Variants in TP53BP2 observed in about 807,000 individuals in gnomAD.
TP53BP2 encodes the protein tumor protein p53 binding protein 2.
A neutral mutation model predicts 126.2 loss-of-function variants in TP53BP2; 62 were observed. That is an observed-to-expected ratio of 0.49 (90% CI 0.40 to 0.61). TP53BP2 has a LOEUF of 0.61. TP53BP2 is among the 20% of genes least tolerant of loss of function. TP53BP2 has a pLI of 0.00. For synonymous variants in TP53BP2, 485 were observed against 502.9 expected, an observed-to-expected ratio of 0.96 and a Z score of 0.48; for missense variants, 1,215 against 1,402.8, an observed-to-expected ratio of 0.87 and a Z score of 2.14.
intron 2 of TP53BP2, among the ~76,000 whole-genome samples, chr1:223,816,574 C>T (rs565767361): frequency 4.6e-5 from 7 of 152,140 alleles, no homozygotes; most frequent in Non-Finnish European, 8.8e-5. Flanking sequence ...AAAAAACAGG[C>T]AACCACATTT....
chr1:223,787,730 T>C (rs921756855), intron 16 of TP53BP2, among the ~76,000 whole-genome samples: 1 of 152,022 alleles, frequency 6.6e-6, no homozygotes, highest in African/African-American at 2.4e-5. Context: ...ATACAAAAAC[T>C]AGCTGGGTGT....
chr1:223,796,230 G>A lies in TP53BP2; in HGVS notation c.2309C>T (p.Thr770Ile). 3 of 1,614,150 alleles carry A rather than the reference G, an allele frequency of 1.9e-6. No homozygotes were observed. Among genetic ancestry groups the A allele is most frequent in the Non-Finnish European group, 2.5e-6 (3 of 1,180,014 alleles). ...GGATGGGTATGATGGGACAGAGATG[G>A]TCTCCATGGCCGCTATGGTGGTCCT... ...YQRTTIAAME[T>I]ISVPSYPSKS... Residue 770 changes from threonine to isoleucine, a missense_variant, in exon 13 of 18, where the codon ACC becomes ATC. Coordinates refer to ENST00000343537, the MANE Select transcript of TP53BP2 (RefSeq NM_001031685.3). The surrounding 1 kb of genome is among the most constrained non-coding windows in gnomAD (Gnocchi z 4.2).
rs1662571098 is a variant in TP53BP2, at chr1:223,802,750, T to C, written c.977A>G (p.Gln326Arg). Residue 326 changes from glutamine (Q) to arginine (R), a missense_variant, in exon 8 of 18, where the codon CAG (glutamine) becomes CGG (arginine). By Grantham distance (43) the Gln-to-Arg change is conservative. This residue lies in a region of TP53BP2 where 814 missense variants were observed against 853.0 expected (regional missense o/e 0.95). Coordinates refer to ENST00000343537, the MANE Select transcript of TP53BP2 (RefSeq NM_001031685.3). ...ACTTACTGGTAGATTTTCTTTTTGCTGTAGAGCTGCCTTCTTCTTCCACAG... is the reference window on the plus strand; with the variant it reads ...ACTTACTGGTAGATTTTCTTTTTGCCGTAGAGCTGCCTTCTTCTTCCACAG... ...DRLWKKKAALQQKENLPVSSD... is the reference protein window; with the variant it reads ...DRLWKKKAALRQKENLPVSSD... 1 of 1,614,158 alleles carries C rather than the reference T, an allele frequency of 6.2e-7. No homozygotes were observed. The highest frequency in any genetic ancestry group is 8.5e-7 in the Non-Finnish European group (1 of 1,180,010).
chr1:223,812,532 A>G (rs1662946552), intron 3 of TP53BP2, among the ~76,000 whole-genome samples: 1 of 151,758 alleles, frequency 6.6e-6, no homozygotes, highest in Non-Finnish European at 1.5e-5. Flanking sequence ...ACAGACGCCC[A>G]GCTAATTTTT....
At chr1:223,819,141 G>A (rs1475891044) in intron 2 of TP53BP2, among the ~76,000 whole-genome samples, 3 of 150,200 alleles carry the variant, frequency 2.0e-5, no homozygotes, top group Non-Finnish European at 4.4e-5. Context: ...CCGAGATCGC[G>A]CCATTGCACT....
chr1:223,822,268 C>CTGAAGTACTGAAGTAATG (rs373848891), intron 1 of TP53BP2, among the ~76,000 whole-genome samples: 443 of 152,222 alleles, frequency 2.9e-3, no homozygotes, highest in African/African-American at 9.9e-3. Flanking sequence ...CTTTGAAGTA[C>CTGAAGTACTGAAGTAATG]AAGATTTCAT....
intron 13 of TP53BP2, among the ~76,000 whole-genome samples, chr1:223,794,614 G>A (rs1662257847): frequency 6.6e-6 from 1 of 152,146 alleles, no homozygotes; most frequent in South Asian, 2.1e-4. Context: ...TTTTGACACA[G>A]CAACAAAAAG....
chr1:223,821,455 C>T lies in TP53BP2; in HGVS notation c.28-88G>A, dbSNP rs533890848. 160 of 1,551,828 alleles carry T rather than the reference C, an allele frequency of 1.0e-4. 3 individuals carry two copies. In the South Asian group the frequency reaches 1.7e-3, roughly 17 times the overall value. Reference sequence around the variant, plus strand: ...AAATTCCTTTCTCCAAACAAAATCTCAGTTGGAAGTGCAAACGTACAACAG... The same window carrying T: ...AAATTCCTTTCTCCAAACAAAATCTTAGTTGGAAGTGCAAACGTACAACAG... On this transcript the variant is annotated intron_variant, in intron 1 of 17. Transcript: ENST00000343537.
chr1:223,836,700 T>C (rs902684290), intron 1 of TP53BP2, among the ~76,000 whole-genome samples: 1 of 151,514 alleles, frequency 6.6e-6, no homozygotes. Flanking sequence ...GGTAAGAAAA[T>C]AGATAAGGAG....
At chr1:223,801,775 A>T (rs1662533285) in intron 9 of TP53BP2, among the ~76,000 whole-genome samples, 1 of 152,304 alleles carries the variant, frequency 6.6e-6, no homozygotes, top group African/African-American at 2.4e-5. Context: ...ACAAACACAT[A>T]TGTTTTTACC....
intron 9 of TP53BP2, 70 bp downstream of exon 9, chr1:223,802,046 T>C: frequency 6.9e-7 from 1 of 1,439,822 alleles, no homozygotes; most frequent in Admixed American, 2.0e-5. Context: ...AAGAGAGATT[T>C]TTTTTAAACT....
chr1:223,844,104 G>T (rs956773253), intron 1 of TP53BP2, among the ~76,000 whole-genome samples: 1 of 152,152 alleles, frequency 6.6e-6, no homozygotes, highest in South Asian at 2.1e-4. Flanking sequence ...GTCACTAAAG[G>T]TAGTAGCTGA....
chr1:223,794,860 G>A (rs1292421624), intron 13 of TP53BP2, among the ~76,000 whole-genome samples: 1 of 151,942 alleles, frequency 6.6e-6, no homozygotes, highest in Non-Finnish European at 1.5e-5. Context: ...AAATAACTGT[G>A]GACAATTATT....
At chr1:223,799,457 A>T (rs1013126304) in intron 11 of TP53BP2, among the ~76,000 whole-genome samples, 4 of 152,208 alleles carry the variant, frequency 2.6e-5, no homozygotes, top group Admixed American at 2.0e-4. Context: ...AATAATGGGA[A>T]ACCATTCTTG....
At chr1:223,821,475 C>T in intron 1 of TP53BP2, 108 bp from the exon 2 acceptor site, 3 of 1,445,052 alleles carry the variant, frequency 2.1e-6, no homozygotes, top group Non-Finnish European at 2.9e-6. Flanking sequence ...TGCAAACGTA[C>T]AACAGAACAG....
At chr1:223,813,324 AAC>A (rs1558100646) in intron 3 of TP53BP2, among the ~76,000 whole-genome samples, 1 of 152,170 alleles carries the variant, frequency 6.6e-6, no homozygotes, top group African/African-American at 2.4e-5. Context: ...CTGGGACCAC[AAC>A]ACTAGAAGCC....
At chr1:223,802,439 G>A (rs1662560937) in intron 8 of TP53BP2, 95 bp from the exon 9 acceptor site, 1 of 1,281,570 alleles carries the variant, frequency 7.8e-7, no homozygotes, top group Non-Finnish European at 1.1e-6. Context: ...TTTTTAAAAT[G>A]AGCAGTTTCA....
chr1:223,827,244 T>C (rs909588832), intron 1 of TP53BP2, among the ~76,000 whole-genome samples: 1 of 152,134 alleles, frequency 6.6e-6, no homozygotes, highest in Admixed American at 6.5e-5. Flanking sequence ...GACTGTGTCC[T>C]AAGCTAACCA....
intron 2 of TP53BP2, among the ~76,000 whole-genome samples, chr1:223,817,751 C>T (rs1218276473): frequency 6.6e-6 from 1 of 151,914 alleles, no homozygotes; most frequent in Non-Finnish European, 1.5e-5. Context: ...CATGGTGAAA[C>T]TCCATCTCTA....
Sources: gnomAD v4.1 joint callset for allele counts (sites outside exome capture counted in the v4.1 genomes callset) on GRCh38, gnomAD v4.1.1 for gene constraint, gnomAD v4.1.1 regional missense constraint, Gnocchi (gnomAD v3.1) non-coding constraint, MANE v1.5 for transcripts, NCBI Gene and HGNC (gene_info 2026-07-23, HGNC 2026-07-21) for gene names.